SPATA6L: variants seen among roughly 807,000 people sequenced by gnomAD.
SPATA6L encodes the protein spermatogenesis associated 6 like, also known as spermatogenesis associated 6-like protein.
Under a neutral mutation model 49.2 loss-of-function variants are expected in SPATA6L, and 68 were observed. The observed-to-expected ratio is 1.38, with a 90% CI of 1.14 to 1.69. The LOEUF is 1.69. Among genes scored for constraint, SPATA6L ranks in the 40% most tolerant of loss-of-function variants. The probability of loss-of-function intolerance (pLI) is 0.00; values close to 1 mark genes in which losing one functional copy is unlikely to be tolerated. For synonymous variants in SPATA6L, 198 were observed against 165.7 expected (o/e 1.19, Z -1.50); for missense variants, 668 against 464.3 (o/e 1.44, Z -4.03).
At chr9:4,648,686 C>A (rs1184831121) in intron 3 of SPATA6L, among the ~76,000 whole-genome samples, 1 of 83,410 alleles carries the variant, frequency 1.2e-5, no homozygotes, top group African/African-American at 6.4e-5. Flanking sequence ...GGCGACAGAG[C>A]GAGACCCCGT....
chr9:4,605,967 G>C (rs554093852), intron 9 of SPATA6L, among the ~76,000 whole-genome samples: 136 of 152,300 alleles, frequency 8.9e-4, no homozygotes, highest in African/African-American at 3.1e-3. Flanking sequence ...CCGTGCGCGA[G>C]CCGAAGCAGG....
chr9:4,590,530 C>G (rs1369096766), intron 13 of SPATA6L, among the ~76,000 whole-genome samples: 1 of 152,174 alleles, frequency 6.6e-6, no homozygotes, highest in Non-Finnish European at 1.5e-5. Context: ...AAGTTCAAAA[C>G]AGTTATGAGT....
At chr9:4,620,208 TC>T (rs1449817799) in intron 7 of SPATA6L, among the ~76,000 whole-genome samples, 1 of 151,852 alleles carries the variant, frequency 6.6e-6, no homozygotes, top group African/African-American at 2.4e-5. Context: ...CCTCATAACC[TC>T]CTTCTCATAA....
rs1045887313 is a variant in SPATA6L at position 4,666,397 on chromosome 9, C to T, written c.-147G>A. 6 of 815,452 alleles carry T rather than the reference C, an allele frequency of 7.4e-6. No homozygotes were observed. Among genetic ancestry groups the T allele is most frequent in the East Asian group, 5.3e-5 (2 of 37,860 alleles). 50.5% of individuals were successfully genotyped at this position (815,452 alleles called of 1,614,324 possible). A position where few individuals can be genotyped will look rare whatever the true frequency, so the allele number is the denominator to read the frequency against. ...ACGCCCTTGTTCCCCTACCGTCCCC[C>T]CCAGCCCAGGTCCCTCCCACCGGGA... On this transcript the variant is annotated 5_prime_UTR_variant, in exon 1 of 12. Transcript: ENST00000682582.
chr9:4,597,630 G>A (rs914485574), downstream of SPATA6L, among the ~76,000 whole-genome samples: 2 of 152,186 alleles, frequency 1.3e-5, no homozygotes, highest in Non-Finnish European at 2.9e-5. Context: ...ATAATTTGGT[G>A]CCCCTAGATT....
chr9:4,618,853 T>C lies in SPATA6L; in HGVS notation c.807+11A>G, dbSNP rs1243944017. The C allele has an allele frequency of 6.2e-7, 1 of 1,610,550 alleles. No homozygotes were observed. Among genetic ancestry groups the C allele is most frequent in the Non-Finnish European group, 8.5e-7 (1 of 1,177,762 alleles). Reference sequence around the variant, plus strand: ...AGTAAATCATTTTACAAATTCTACTTCTAAAATTACCTTTACGTTAGCTGC... The same window carrying C: ...AGTAAATCATTTTACAAATTCTACTCCTAAAATTACCTTTACGTTAGCTGC... On this transcript the variant is annotated intron_variant, in intron 8 of 11. Coordinates refer to ENST00000682582, the MANE Select transcript of SPATA6L (RefSeq NM_001353486.2).
intron 9 of SPATA6L, among the ~76,000 whole-genome samples, chr9:4,615,589 A>C (rs887043130): frequency 6.6e-6 from 1 of 152,230 alleles, no homozygotes; most frequent in African/African-American, 2.4e-5. Context: ...AGGACTTCTC[A>C]GGTCTCTCTC....
In SPATA6L at chr9:4,662,328, G is replaced by T. The variant is rs1587562721; in HGVS notation, c.40-292C>A. ...GCGGAAGAGGCTGCAGGGCCGGGAA[G>T]CCTCTGTTTGGTCCGGCCAGGTCCC... On this transcript the variant is annotated intron_variant, in intron 1 of 11. Transcript: ENST00000682582. The surrounding 1 kb of genome is among the most constrained non-coding windows in gnomAD (Gnocchi z 4.9). 2.1e-6 allele frequency: 3 copies of T among 1,448,806 alleles called. No individual in the cohort carries two copies. Among genetic ancestry groups the T allele is most frequent in the Non-Finnish European group, 2.7e-6 (3 of 1,106,890 alleles). The allele number at this position is 1,448,806 out of a possible 1,614,324, so 89.7% of individuals were successfully genotyped here.
chr9:4,651,473 G>C (rs1376477180), intron 3 of SPATA6L, among the ~76,000 whole-genome samples: 2 of 152,072 alleles, frequency 1.3e-5, no homozygotes, highest in Non-Finnish European at 2.9e-5. Context: ...ACAGAGAAGA[G>C]GACAGAACAT....
At chr9:4,663,128 C>T in intron 1 of SPATA6L, 1 of 1,614,116 alleles carries the variant, frequency 6.2e-7, no homozygotes, top group Non-Finnish European at 8.5e-7. Flanking sequence ...TATCCAGGGT[C>T]ATGCTGGGGC....
intron 3 of SPATA6L, among the ~76,000 whole-genome samples, chr9:4,647,101 T>C (rs373949648): frequency 6.6e-6 from 1 of 151,758 alleles, no homozygotes; most frequent in Non-Finnish European, 1.5e-5. Flanking sequence ...CTGAAAAGTA[T>C]TGAAAAAAAA....
At chr9:4,629,769 G>GTGTGTGTGTGTATATATATATATA (rs1311805859) in intron 4 of SPATA6L, among the ~76,000 whole-genome samples, 22 of 101,914 alleles carry the variant, frequency 2.2e-4, no homozygotes, top group South Asian at 6.7e-4. Flanking sequence ...GTGTGTGTGT[G>GTGTGTGTGTGTATATATATATATA]TATATATATA....
intron 13 of SPATA6L, among the ~76,000 whole-genome samples, chr9:4,590,305 C>T (rs301440): frequency 0.17 from 25,436 of 152,066 alleles, 3,218 homozygotes; most frequent in East Asian, 0.64. Flanking sequence ...TGGAAATGAT[C>T]GGGACATTTC....
chr9:4,623,004 GTA>G (rs1829678156), intron 6 of SPATA6L, among the ~76,000 whole-genome samples: 2 of 152,186 alleles, frequency 1.3e-5, no homozygotes, highest in Admixed American at 6.5e-5. Flanking sequence ...GCTAGGCCGG[GTA>G]CAGTGGCTCA....
At chr9:4,628,107 G>C in intron 5 of SPATA6L, 1 of 276,392 alleles carries the variant, frequency 3.6e-6, no homozygotes, top group South Asian at 3.3e-5. Context: ...GGCTGGGAAG[G>C]GTCATGAGAG....
intron 3 of SPATA6L, among the ~76,000 whole-genome samples, chr9:4,653,349 A>G (rs1837348395): frequency 6.6e-6 from 1 of 152,236 alleles, no homozygotes; most frequent in Non-Finnish European, 1.5e-5. Context: ...ACTGTCTACA[A>G]AAATCAACAC....
chr9:4,607,197 G>A (rs1825489610), intron 9 of SPATA6L, among the ~76,000 whole-genome samples: 2 of 151,886 alleles, frequency 1.3e-5, no homozygotes, highest in South Asian at 2.1e-4. Context: ...CGGGGAGAAT[G>A]GAACCAAGTT....
At chr9:4,643,476 AAG>A (rs1224882360) in intron 3 of SPATA6L, among the ~76,000 whole-genome samples, 2 of 152,160 alleles carry the variant, frequency 1.3e-5, no homozygotes, top group Non-Finnish European at 2.9e-5. Context: ...TAAATATACC[AAG>A]AGAGAAATAT....
At chr9:4,661,510 T>A (rs1403672724) in intron 2 of SPATA6L, among the ~76,000 whole-genome samples, 1 of 151,878 alleles carries the variant, frequency 6.6e-6, no homozygotes, top group African/African-American at 2.4e-5. Context: ...ATTTCATTAT[T>A]TTTTTTTCGC....
Sources: allele counts gnomAD v4.1 joint callset (sites outside exome capture counted in the v4.1 genomes callset), GRCh38; gene constraint gnomAD v4.1.1; non-coding constraint Gnocchi (gnomAD v3.1); transcripts MANE v1.5; gene names NCBI Gene and HGNC (gene_info 2026-07-23, HGNC 2026-07-21).